Variants in BCL11A observed in about 807,000 individuals in gnomAD.
BCL11A encodes BCL11 transcription factor A, also known as B cell CLL/lymphoma 11A.
A neutral mutation model predicts 55.9 loss-of-function variants in BCL11A; 2 were observed. The ratio of observed to expected loss-of-function variants is 0.04; its 90% CI spans 0.01 to 0.11. The LOEUF (loss-of-function observed/expected upper bound fraction) is 0.11. Ranked by LOEUF, BCL11A falls within the 10% of genes least tolerant of loss-of-function variation. The probability of loss-of-function intolerance (pLI) is 1.00; values close to 1 mark genes in which losing one functional copy is unlikely to be tolerated. For missense variants in BCL11A, 817 were observed against 1,137.1 expected, an observed-to-expected ratio of 0.72 and a Z score of 4.05; for synonymous variants, 465 against 473.4, an observed-to-expected ratio of 0.98 and a Z score of 0.23.
chr2:60,549,814 G>A (rs527274619), intron 1 of BCL11A: 34 of 152,404 alleles, frequency 2.2e-4, no homozygotes, highest in Admixed American at 2.0e-3. Context: ...CCTCAAGCGC[G>A]GGTCCTGAGA....
rs960569243 is a variant in BCL11A at position 60,458,493 on chromosome 2, G to A, written c.*1911C>T. The stretch of plus-strand genomic sequence containing the variant: ...AAAAAAATCCTTGCACTGTAGAAGC[G>A]AAAGCAATCATTCATTTCTATGTTA... On this transcript the variant is annotated 3_prime_UTR_variant, in exon 4 of 4. Coordinates refer to ENST00000642384, the MANE Select transcript of BCL11A (RefSeq NM_022893.4). 15 of 1,031,692 alleles carry A rather than the reference G, an allele frequency of 1.5e-5. No individual in the cohort carries two copies. The highest frequency in any genetic ancestry group is 1.4e-4 in the South Asian group (3 of 21,720). 63.9% of individuals were successfully genotyped at this position (1,031,692 alleles called of 1,614,324 possible). A position where few individuals can be genotyped will look rare whatever the true frequency, so the allele number is the denominator to read the frequency against.
intron 2 of BCL11A, among the ~76,000 whole-genome samples, chr2:60,507,887 A>G (rs1679736655): frequency 6.6e-6 from 1 of 152,162 alleles, no homozygotes; most frequent in African/African-American, 2.4e-5. Context: ...TGGGATAATT[A>G]CTATGGATTA....
At chr2:60,488,991 C>G (rs1327557839) in intron 2 of BCL11A, among the ~76,000 whole-genome samples, 1 of 152,094 alleles carries the variant, frequency 6.6e-6, no homozygotes, top group Non-Finnish European at 1.5e-5. Context: ...AACTCCCGAC[C>G]TTAGGTGATC....
intron 2 of BCL11A, among the ~76,000 whole-genome samples, chr2:60,538,939 G>A (rs1409981851): frequency 6.6e-6 from 1 of 152,146 alleles, no homozygotes; most frequent in African/African-American, 2.4e-5. Context: ...AACAAATTAT[G>A]TTGCATTTCT....
At chr2:60,510,221 C>T (rs1215787304) in intron 2 of BCL11A, among the ~76,000 whole-genome samples, 1 of 152,186 alleles carries the variant, frequency 6.6e-6, no homozygotes, top group African/African-American at 2.4e-5. Flanking sequence ...TTCCATCTCC[C>T]TTGGAGTCAG....
chr2:60,502,378 C>T (rs1679339847), intron 2 of BCL11A, among the ~76,000 whole-genome samples: 1 of 152,180 alleles, frequency 6.6e-6, no homozygotes, highest in African/African-American at 2.4e-5. Context: ...AATAAACCAT[C>T]GGAAAAAGTC....
At chr2:60,470,009 C>G (rs986213965) in intron 2 of BCL11A, among the ~76,000 whole-genome samples, 1 of 152,156 alleles carries the variant, frequency 6.6e-6, no homozygotes, top group Admixed American at 6.5e-5. Flanking sequence ...TAGCAGGTCT[C>G]AAGTGTAAAA....
intron 2 of BCL11A, among the ~76,000 whole-genome samples, chr2:60,480,545 G>A (rs956816064): frequency 1.3e-5 from 2 of 152,166 alleles, no homozygotes; most frequent in African/African-American, 4.8e-5. Context: ...ACTAACCAAG[G>A]AGCCTCTGGG....
chr2:60,467,144 G>GTGA (rs1369390280), intron 3 of BCL11A, among the ~76,000 whole-genome samples: 76 of 137,534 alleles, frequency 5.5e-4, no homozygotes, highest in African/African-American at 1.6e-3. Context: ...GGTGTTGGTG[G>GTGA]TGATGGTGGT....
At chr2:60,547,031 C>T (rs958471225) in intron 1 of BCL11A, among the ~76,000 whole-genome samples, 4 of 152,176 alleles carry the variant, frequency 2.6e-5, no homozygotes, top group Non-Finnish European at 4.4e-5. Context: ...ACCAAATGCA[C>T]GGGCAGTATT....
chr2:60,459,388 A>T lies in BCL11A; in HGVS notation c.*1016T>A, dbSNP rs947764885. ...TACACATTCAATTTAATCATTGTTT[A>T]AAAAAAATAAAACTTTGGGCAAAAC... On this transcript the variant is annotated 3_prime_UTR_variant, in exon 4 of 4. Coordinates refer to ENST00000642384, the MANE Select transcript of BCL11A (RefSeq NM_022893.4). The T allele has an allele frequency of 9.8e-7, 1 of 1,018,058 alleles. No homozygotes were observed. The highest frequency in any genetic ancestry group is 1.2e-6 in the Non-Finnish European group (1 of 848,598). 63.1% of individuals were successfully genotyped at this position (1,018,058 alleles called of 1,614,324 possible).
At chr2:60,493,573 C>A (rs554033397) in intron 2 of BCL11A, among the ~76,000 whole-genome samples, 1 of 152,266 alleles carries the variant, frequency 6.6e-6, no homozygotes, top group African/African-American at 2.4e-5. Context: ...AATGGGCATT[C>A]ATTTGAATCA....
chr2:60,541,797 G>A (rs929239667), intron 2 of BCL11A: 21 of 586,452 alleles, frequency 3.6e-5, no homozygotes, highest in East Asian at 2.8e-4. Flanking sequence ...GAAGTCAGTC[G>A]TTTTTATTCA....
chr2:60,540,946 T>G (rs998664806), intron 2 of BCL11A, among the ~76,000 whole-genome samples: 2 of 140,216 alleles, frequency 1.4e-5, no homozygotes, highest in Admixed American at 7.1e-5. Flanking sequence ...AGCACTGGTT[T>G]TGTGTGTGTG....
chr2:60,468,926 TACA>T, intron 2 of BCL11A, 93 bp from the exon 3 acceptor site: 1 of 762,070 alleles, frequency 1.3e-6, no homozygotes, highest in Non-Finnish European at 2.2e-6. Context: ...TAAAATAGAT[TACA>T]ACATCATTAC....
intron 2 of BCL11A, among the ~76,000 whole-genome samples, chr2:60,481,286 G>T (rs1053770529): frequency 6.6e-6 from 1 of 152,016 alleles, no homozygotes; most frequent in African/African-American, 2.4e-5. Flanking sequence ...ATGCTGGAAG[G>T]CAAGAAGAGA....
rs1405535073 is a variant in BCL11A, at chr2:60,461,448, C to T, written c.1464G>A (p.Glu488=). 6.2e-7 allele frequency: 1 copy of T among 1,604,176 alleles called. No homozygotes were observed. The highest frequency in any genetic ancestry group is 8.5e-7 in the Non-Finnish European group (1 of 1,179,236). The change falls in exon 4 of 4, where the codon GAG becomes GAA. Residue 488 remains glutamate, a synonymous_variant. Transcript: ENST00000642384. Reference sequence around the variant, plus strand: ...CTTCTTCCTCTTCCTCGTCGTCCTCCTCTTCCTCCTCGTCCCCGTTCTCCG... The same window carrying T: ...CTTCTTCCTCTTCCTCGTCGTCCTCTTCTTCCTCCTCGTCCCCGTTCTCCG... ...LIPENGDEEE[E]EDDEEEEEEE...
chr2:60,493,087 A>G (rs961526976), intron 2 of BCL11A, among the ~76,000 whole-genome samples: 8 of 152,154 alleles, frequency 5.3e-5, no homozygotes, highest in African/African-American at 1.4e-4. Flanking sequence ...CATACAGGAT[A>G]TCGTCTTTTG....
chr2:60,508,204 C>A (rs1223321256), intron 2 of BCL11A, among the ~76,000 whole-genome samples: 4 of 152,158 alleles, frequency 2.6e-5, no homozygotes, highest in Admixed American at 1.3e-4. Context: ...TGTCTACCCC[C>A]ACCCCCAAAC....
Sources: gnomAD v4.1 joint callset for allele counts (sites outside exome capture counted in the v4.1 genomes callset) on GRCh38, gnomAD v4.1.1 for gene constraint, MANE v1.5 for transcripts, NCBI Gene and HGNC (gene_info 2026-07-23, HGNC 2026-07-21) for gene names.